Variants in PDE12 observed in about 807,000 individuals in gnomAD.
PDE12 encodes the protein 2',5'-phosphodiesterase 12.
Under a neutral mutation model 45.4 loss-of-function variants are expected in PDE12, and 26 were observed. The ratio of observed to expected loss-of-function variants is 0.57; its 90% CI spans 0.42 to 0.79. The LOEUF is 0.79. Ranked by LOEUF, PDE12 falls within the 30% of genes least tolerant of loss-of-function variation. The pLI is 0.00. For missense variants in PDE12, 668 were observed against 790.0 expected, an observed-to-expected ratio of 0.85 and a Z score of 1.85; for synonymous variants, 283 against 323.9, an observed-to-expected ratio of 0.87 and a Z score of 1.36.
At chr3:57,610,031 C>T in the PDE12 span, among the ~76,000 whole-genome samples, 3 of 152,108 alleles carry the variant, frequency 2.0e-5, no homozygotes, top group African/African-American at 7.2e-5. Context: ...AAAAGCTTAT[C>T]CATCATAATC....
the PDE12 span, among the ~76,000 whole-genome samples, chr3:57,635,128 C>T: frequency 6.6e-5 from 10 of 152,124 alleles, no homozygotes; most frequent in African/African-American, 2.4e-4. Context: ...GAATAAAATA[C>T]CCTTTAAGTA....
the PDE12 span, among the ~76,000 whole-genome samples, chr3:57,576,363 T>A: frequency 1.3e-5 from 2 of 152,156 alleles, no homozygotes; most frequent in African/African-American, 4.8e-5. Context: ...CTGCTAATGG[T>A]CCAAGATTTC....
the PDE12 span, chr3:57,627,994 G>A: frequency 6.2e-6 from 3 of 484,320 alleles, no homozygotes; most frequent in Admixed American, 4.0e-5. Flanking sequence ...AATGCCTTTC[G>A]GTGTTTCAGT....
chr3:57,610,598 A>G, the PDE12 span, among the ~76,000 whole-genome samples: 1 of 152,062 alleles, frequency 6.6e-6, no homozygotes, highest in African/African-American at 2.4e-5. Context: ...ATAACAGACA[A>G]ACAGAGAGCC....
At chr3:57,633,754 G>T in the PDE12 span, among the ~76,000 whole-genome samples, 5 of 151,762 alleles carry the variant, frequency 3.3e-5, no homozygotes, top group Admixed American at 1.3e-4. Context: ...GCTGGGTGTG[G>T]TGGCGGGCAC....
At chr3:57,635,102 T>TTAGTAGTATTAGATAGTAGTA in the PDE12 span, among the ~76,000 whole-genome samples, 2 of 152,136 alleles carry the variant, frequency 1.3e-5, no homozygotes, top group African/African-American at 4.8e-5. Context: ...AAACTGAAAA[T>TTAGTAGTATTAGATAGTAGTA]TTAGATGCTG....
the PDE12 span, chr3:57,575,445 T>C: frequency 8.7e-7 from 1 of 1,155,768 alleles, no homozygotes; most frequent in Non-Finnish European, 1.2e-6. Flanking sequence ...GCTCATTATT[T>C]GTCCAAAGGA....
At chr3:57,577,445 C>CAGT in the PDE12 span, 2 of 1,358,786 alleles carry the variant, frequency 1.5e-6, no homozygotes, top group East Asian at 4.6e-5. Flanking sequence ...CTATATGAAA[C>CAGT]AGTGTAGGCA....
chr3:57,574,704 G>C, the PDE12 span, among the ~76,000 whole-genome samples: 6 of 152,186 alleles, frequency 3.9e-5, no homozygotes, highest in South Asian at 1.2e-3. Flanking sequence ...GTGGTACCTG[G>C]TCTCCTCCAT....
chr3:57,639,556 A>G, the PDE12 span, among the ~76,000 whole-genome samples: 1 of 152,234 alleles, frequency 6.6e-6, no homozygotes. Flanking sequence ...AAAATTTATC[A>G]TATCATCTCA....
the PDE12 span, among the ~76,000 whole-genome samples, chr3:57,585,626 C>T: frequency 0.39 from 58,314 of 151,006 alleles, 12,612 homozygotes; most frequent in South Asian, 0.56. Flanking sequence ...AATAAAAGAC[C>T]CTATCACATT....
the PDE12 span, among the ~76,000 whole-genome samples, chr3:57,587,270 G>A: frequency 7.3e-6 from 1 of 137,424 alleles, no homozygotes; most frequent in East Asian, 2.3e-4. Context: ...AGTGAGCCGA[G>A]ATCGTGCCAT....
chr3:57,648,670 T>C, the PDE12 span, among the ~76,000 whole-genome samples: 1 of 152,074 alleles, frequency 6.6e-6, no homozygotes, highest in Admixed American at 6.6e-5. Context: ...AAAATAGGCA[T>C]ATAGACCAAT....
the PDE12 span, among the ~76,000 whole-genome samples, chr3:57,613,289 A>AG: frequency 1.3e-5 from 2 of 148,716 alleles, no homozygotes; most frequent in African/African-American, 5.0e-5. Flanking sequence ...ATAAAAAAAA[A>AG]AAAACAACTT....
downstream of PDE12, chr3:57,571,711 C>T (rs1041628754): frequency 1.3e-5 from 2 of 153,096 alleles, no homozygotes; most frequent in Non-Finnish European, 2.9e-5. Flanking sequence ...GGAAAAATTT[C>T]CTCAGTGCAA....
downstream of PDE12, among the ~76,000 whole-genome samples, chr3:57,570,033 A>G (rs1467842260): frequency 6.6e-6 from 1 of 151,942 alleles, no homozygotes; most frequent in African/African-American, 2.4e-5. Flanking sequence ...GACTACACAC[A>G]CAACAATTAT....
At chr3:57,602,691 C>G in the PDE12 span, among the ~76,000 whole-genome samples, 7 of 152,080 alleles carry the variant, frequency 4.6e-5, no homozygotes, top group African/African-American at 1.7e-4. Context: ...CTGCCTCAGC[C>G]TCCCGAGTAG....
the PDE12 span, among the ~76,000 whole-genome samples, chr3:57,573,346 G>A: frequency 6.6e-6 from 1 of 152,026 alleles, no homozygotes; most frequent in Admixed American, 6.6e-5. Context: ...TCTAGTAACT[G>A]TGTGAAAGTA....
At chr3:57,598,959 G>T in the PDE12 span, among the ~76,000 whole-genome samples, 1 of 152,142 alleles carries the variant, frequency 6.6e-6, no homozygotes, top group Non-Finnish European at 1.5e-5. Flanking sequence ...CAAAATATGA[G>T]ACAGGCCTCA....
Sources: allele counts gnomAD v4.1 joint callset (sites outside exome capture counted in the v4.1 genomes callset), GRCh38; gene constraint gnomAD v4.1.1; transcripts MANE v1.5; gene names NCBI Gene and HGNC (gene_info 2026-07-23, HGNC 2026-07-21).